ST7: variants seen among roughly 807,000 people sequenced by gnomAD.
ST7 encodes the protein suppressor of tumorigenicity 7 protein.
A neutral mutation model predicts 78.7 loss-of-function variants in ST7; 28 were observed. The observed-to-expected ratio is 0.36, with a 90% CI of 0.26 to 0.49. The LOEUF is 0.49. Ranked by LOEUF, ST7 falls within the 20% of genes least tolerant of loss-of-function variation. ST7 has a pLI of 0.99. For synonymous variants in ST7, 247 were observed against 249.6 expected (o/e 0.99, Z 0.10); for missense variants, 418 against 696.0 (o/e 0.60, Z 4.49).
chr7:117,066,316 C>T (rs1197923066), intron 1 of ST7, among the ~76,000 whole-genome samples: 1 of 152,152 alleles, frequency 6.6e-6, no homozygotes, highest in Non-Finnish European at 1.5e-5. Context: ...GGGAAATAGA[C>T]CGTGTCTATG....
intron 1 of ST7, chr7:116,972,865 A>G: frequency 7.9e-7 from 1 of 1,265,476 alleles, no homozygotes; most frequent in South Asian, 1.2e-5. Context: ...CTGCTGCAGA[A>G]CCTGGATATT....
intron 1 of ST7, among the ~76,000 whole-genome samples, chr7:117,063,595 G>A (rs1798470769): frequency 6.6e-6 from 1 of 152,120 alleles, no homozygotes. Flanking sequence ...TGTAGTCCCA[G>A]CTACCTGAGA....
Position 116,953,668 on chromosome 7 carries a change from A to G in ST7, c.128A>G (p.Lys43Arg). 6.7e-7 allele frequency: 1 copy of G among 1,497,390 alleles called. No individual in the cohort carries two copies. The highest frequency in any genetic ancestry group is 9.0e-7 in the Non-Finnish European group (1 of 1,110,088). The allele number at this position is 1,497,390 out of a possible 1,614,324, so 92.8% of individuals were successfully genotyped here. The change falls in exon 1 of 16, where the codon AAA (lysine) becomes AGA (arginine). Residue 43 changes from lysine to arginine, a missense_variant. Around this residue, in one of 4 missense-constraint regions of ST7, gnomAD observed 71 missense variants for 61.5 expected, o/e 1.16. Transcript: ENST00000323984. ...GTCTACATCCTGCGGGTGCCTTTGA[A>G]AATCAACGACAACTTGAGCACAGGT... is the stretch of plus-strand genomic sequence containing the variant. ...FLVYILRVPLKINDNLSTVSM... is the reference protein window; with the variant it reads ...FLVYILRVPLRINDNLSTVSM...
In ST7 at chr7:116,953,690, A is replaced by T. The variant is rs1792260760; in HGVS notation, c.150A>T (p.Thr50=). The T allele has an allele frequency of 1.4e-6, 2 of 1,473,188 alleles. No individual in the cohort carries two copies. The highest frequency in any genetic ancestry group is 2.0e-5 in the Admixed American group (1 of 51,252). The allele number at this position is 1,473,188 out of a possible 1,614,324, so 91.3% of individuals were successfully genotyped here. A position where few individuals can be genotyped will look rare whatever the true frequency, so the allele number is the denominator to read the frequency against. ...VPLKINDNLS[T]VSMFLNTLTP... ...TGAAAATCAACGACAACTTGAGCAC[A>T]GGTAAGGCCTGGGAGCCGGGCCCGC... is the stretch of plus-strand genomic sequence containing the variant. The change falls in exon 1 of 16, where the codon ACA becomes ACT. Residue 50 remains threonine (T), a splice_region_variant and synonymous_variant. Coordinates refer to ENST00000323984, the MANE Select transcript of ST7 (RefSeq NM_001369598.1).
At chr7:116,969,183 A>G (rs917928328) in intron 1 of ST7, among the ~76,000 whole-genome samples, 3 of 152,182 alleles carry the variant, frequency 2.0e-5, no homozygotes, top group Non-Finnish European at 2.9e-5. Flanking sequence ...GAGGAGTATC[A>G]TATCTCCCTA....
At chr7:117,071,759 G>C (rs1196549555) in intron 1 of ST7, among the ~76,000 whole-genome samples, 3 of 152,318 alleles carry the variant, frequency 2.0e-5, no homozygotes, top group East Asian at 3.9e-4. Context: ...GCATGACATA[G>C]CTTGTTCTCC....
At chr7:117,178,754 T>G (rs1472066078) in intron 10 of ST7, among the ~76,000 whole-genome samples, 1 of 152,222 alleles carries the variant, frequency 6.6e-6, no homozygotes, top group African/African-American at 2.4e-5. Context: ...AACTGTTCTA[T>G]CCTGTCTAAA....
At chr7:116,980,002 G>A (rs1459307587) in intron 1 of ST7, among the ~76,000 whole-genome samples, 22 of 107,184 alleles carry the variant, frequency 2.1e-4, no homozygotes, top group African/African-American at 7.8e-4. Flanking sequence ...TCTGTCGCAT[G>A]GGCTGGAGTG....
chr7:117,113,447 A>G (rs1461041324), intron 2 of ST7, among the ~76,000 whole-genome samples: 1 of 147,696 alleles, frequency 6.8e-6, no homozygotes, highest in Non-Finnish European at 1.5e-5. Context: ...AGGAAAAGAA[A>G]GAGAGAAGAG....
At chr7:117,202,786 T>G (rs553667876) in intron 12 of ST7, among the ~76,000 whole-genome samples, 1 of 152,254 alleles carries the variant, frequency 6.6e-6, no homozygotes, top group South Asian at 2.1e-4. Flanking sequence ...GCCAGGAGGG[T>G]TCCCCGGACC....
At chr7:117,011,168 G>T (rs749524391) in intron 1 of ST7, among the ~76,000 whole-genome samples, 2 of 152,148 alleles carry the variant, frequency 1.3e-5, no homozygotes, top group Non-Finnish European at 2.9e-5. Context: ...GTGTGTGTGT[G>T]TATCTGTCTA....
intron 10 of ST7, among the ~76,000 whole-genome samples, chr7:117,184,582 G>A (rs60653618): frequency 0.086 from 13,097 of 152,156 alleles, 868 homozygotes; most frequent in East Asian, 0.2. Flanking sequence ...AGACAGAACT[G>A]TACAGAACAG....
At chr7:117,085,376 G>C (rs1161649227) in intron 1 of ST7, among the ~76,000 whole-genome samples, 2 of 152,140 alleles carry the variant, frequency 1.3e-5, no homozygotes, top group East Asian at 3.9e-4. Flanking sequence ...TGGTTTCTGT[G>C]TTTTGTGTCT....
At chr7:117,183,283 A>C (rs1808935917) in intron 10 of ST7, among the ~76,000 whole-genome samples, 1 of 151,946 alleles carries the variant, frequency 6.6e-6, no homozygotes, top group Admixed American at 6.6e-5. Flanking sequence ...AAAATTATCC[A>C]GGCGTGGTGG....
At position 117,214,375 on chromosome 7, in the gene ST7, G is replaced by A. The variant is rs545768315; in HGVS notation, c.1405+4438G>A. ...GGAACTAAGGCAGAGTATTTCCTTT[G>A]AGAGGGGAAAATGGCCCATTGTTGA... On this transcript the variant is annotated intron_variant, in intron 13 of 15. Coordinates refer to ENST00000323984, the MANE Select transcript of ST7 (RefSeq NM_001369598.1). Among the ~76,000 whole-genome samples the A allele has an allele frequency of 1.7e-3, 254 of 152,214 alleles. 1 individual carries two copies. Among genetic ancestry groups the A allele is most frequent in the African/African-American group, 5.9e-3 (243 of 41,534 alleles).
chr7:117,075,320 T>G (rs745472738), intron 1 of ST7, among the ~76,000 whole-genome samples: 1 of 152,224 alleles, frequency 6.6e-6, no homozygotes, highest in Admixed American at 6.5e-5. Context: ...ATTAACATAG[T>G]GACAATTTTT....
intron 5 of ST7, 86 bp downstream of exon 5, chr7:117,130,692 A>G: frequency 1.1e-6 from 1 of 886,996 alleles, no homozygotes; most frequent in Non-Finnish European, 1.8e-6. Flanking sequence ...TCCACTCTGT[A>G]AAACTCCAAT....
At chr7:116,996,520 G>A (rs889136321) in intron 1 of ST7, among the ~76,000 whole-genome samples, 1 of 152,186 alleles carries the variant, frequency 6.6e-6, no homozygotes, top group Non-Finnish European at 1.5e-5. Context: ...AAACTTGTTA[G>A]TGCTGCTTCA....
intron 9 of ST7, among the ~76,000 whole-genome samples, chr7:117,167,029 A>T (rs1005550580): frequency 1.3e-5 from 2 of 151,776 alleles, no homozygotes; most frequent in African/African-American, 4.9e-5. Flanking sequence ...GCATGGTTAG[A>T]GAAAAGAGGA....
Sources: allele counts gnomAD v4.1 joint callset (sites outside exome capture counted in the v4.1 genomes callset), GRCh38; gene constraint gnomAD v4.1.1; regional missense constraint gnomAD v4.1.1; transcripts MANE v1.5; gene names NCBI Gene and HGNC (gene_info 2026-07-23, HGNC 2026-07-21).